DENND1B: variants seen among roughly 807,000 people sequenced by gnomAD.
DENND1B encodes the protein DENN domain-containing protein 1B.
In DENND1B, 59 loss-of-function variants were observed where a neutral mutation model predicts 90.1. The observed-to-expected ratio is 0.65, with a 90% CI of 0.53 to 0.81. The LOEUF (loss-of-function observed/expected upper bound fraction) is 0.81, where lower values mean the gene tolerates loss of function less well. DENND1B is among the 40% of genes least tolerant of loss of function. The pLI, the probability that DENND1B is intolerant of heterozygous loss-of-function variation, is 0.00. For synonymous variants in DENND1B, 337 were observed against 324.6 expected (o/e 1.04, Z -0.41); for missense variants, 862 against 912.6 (o/e 0.94, Z 0.71).
chr1:197,664,010 T>TACACACACACACAC (rs10638441), intron 5 of DENND1B, among the ~76,000 whole-genome samples: 1 of 149,464 alleles, frequency 6.7e-6, no homozygotes. Flanking sequence ...AACACACACA[T>TACACACACACACAC]ACACACACAC....
upstream of DENND1B, among the ~76,000 whole-genome samples, chr1:197,777,855 G>A (rs1219036773): frequency 6.6e-6 from 1 of 151,962 alleles, no homozygotes; most frequent in East Asian, 1.9e-4. Flanking sequence ...TGTTGTATGT[G>A]GTTTGTAAAG....
At chr1:197,767,638 T>C (rs1448829988) in intron 2 of DENND1B, among the ~76,000 whole-genome samples, 1 of 152,146 alleles carries the variant, frequency 6.6e-6, no homozygotes, top group Non-Finnish European at 1.5e-5. Context: ...AAAACTACTA[T>C]TAAATAGCCA....
chr1:197,693,210 T>G (rs981910930), intron 3 of DENND1B, among the ~76,000 whole-genome samples: 1 of 151,712 alleles, frequency 6.6e-6, no homozygotes, highest in Non-Finnish European at 1.5e-5. Context: ...TATAGCTGTA[T>G]GTTACCACTT....
In DENND1B at chr1:197,507,382, T is replaced by C. The variant is rs1558180797; in HGVS notation, c.*3078A>G. ...CTGAAAAAATAATCATGCTATGTTT[T>C]GGTGCTTTTCTAAGACACATTAAAG... is the stretch of plus-strand genomic sequence containing the variant. On this transcript the variant is annotated 3_prime_UTR_variant, in exon 23 of 23. Transcript: ENST00000620048. 2 of 151,352 alleles carry C rather than the reference T, an allele frequency of 1.3e-5. No homozygotes were observed. The highest frequency in any genetic ancestry group is 3.0e-5 in the Non-Finnish European group (2 of 67,564). 9.4% of individuals were successfully genotyped at this position (151,352 alleles called of 1,614,324 possible).
intron 10 of DENND1B, among the ~76,000 whole-genome samples, chr1:197,635,115 G>C (rs1277321258): frequency 1.3e-5 from 2 of 152,294 alleles, no homozygotes; most frequent in South Asian, 2.1e-4. Context: ...TATTTAAAGA[G>C]ACAAATGTCA....
intron 20 of DENND1B, among the ~76,000 whole-genome samples, chr1:197,517,736 G>A (rs1668498380): frequency 1.3e-5 from 2 of 151,868 alleles, no homozygotes; most frequent in South Asian, 4.1e-4. Context: ...TACTTGCCTT[G>A]CACAGAGGGA....
chr1:197,736,749 C>T (rs771910610), intron 2 of DENND1B, among the ~76,000 whole-genome samples: 2 of 152,216 alleles, frequency 1.3e-5, no homozygotes, highest in African/African-American at 4.8e-5. Flanking sequence ...GCCCATACTG[C>T]ATTCCTGTTG....
At chr1:197,752,980 C>G (rs1474296833) in intron 2 of DENND1B, among the ~76,000 whole-genome samples, 3 of 151,900 alleles carry the variant, frequency 2.0e-5, no homozygotes, top group Non-Finnish European at 2.9e-5. Context: ...TTTTTTATGG[C>G]TGTGTACTAT....
At chr1:197,534,622 C>T (rs934711930) in intron 20 of DENND1B, among the ~76,000 whole-genome samples, 1 of 152,158 alleles carries the variant, frequency 6.6e-6, no homozygotes, top group Non-Finnish European at 1.5e-5. Flanking sequence ...TTCTTAACTA[C>T]ATTTAACATT....
At chr1:197,669,253 C>T (rs757859539) in intron 5 of DENND1B, among the ~76,000 whole-genome samples, 100 of 152,182 alleles carry the variant, frequency 6.6e-4, no homozygotes, top group Non-Finnish European at 9.9e-4. Context: ...CTCACTGCCA[C>T]AGTAATTTTT....
chr1:197,608,330 A>G (rs1166986927), intron 12 of DENND1B, among the ~76,000 whole-genome samples: 1 of 150,688 alleles, frequency 6.6e-6, no homozygotes, highest in Non-Finnish European at 1.5e-5. Flanking sequence ...AGATGATTCT[A>G]AAAATCTGTC....
intron 10 of DENND1B, among the ~76,000 whole-genome samples, chr1:197,628,434 C>A (rs1037540503): frequency 6.6e-6 from 1 of 152,106 alleles, no homozygotes; most frequent in African/African-American, 2.4e-5. Context: ...GAAACGATTC[C>A]CTATTTAATA....
rs113519349 is a variant in DENND1B at position 197,538,874 on chromosome 1, G to T, written c.1515+1090C>A. Among the ~76,000 whole-genome samples, 4 of 152,050 alleles carry T rather than the reference G, an allele frequency of 2.6e-5. No individual in the cohort carries two copies. In the East Asian group the frequency reaches 7.8e-4, roughly 30 times the overall value. ...CACCCTCTTGGGTGGGATTAGTGCT[G>T]TTATAAAAGGGTGAGTTTGGCCCCC... is the stretch of plus-strand genomic sequence containing the variant. On this transcript the variant is annotated intron_variant, in intron 20 of 22. Transcript: ENST00000620048.
In DENND1B at chr1:197,775,439, C is replaced by T. The variant is rs1015904176; in HGVS notation, c.-284G>A. 3.4e-6 allele frequency: 1 copy of T among 293,908 alleles called. No homozygotes were observed. Among genetic ancestry groups the T allele is most frequent in the African/African-American group, 2.2e-5 (1 of 45,226 alleles). The allele number at this position is 293,908 out of a possible 1,614,324, so 18.2% of individuals were successfully genotyped here. A position where few individuals can be genotyped will look rare whatever the true frequency, so the allele number is the denominator to read the frequency against. ...CACCAAAGCTGAGGCCTCTCAGTTC[C>T]TGCGACCGGGGCCGCCCGCTGCGGC... is the stretch of plus-strand genomic sequence containing the variant. On this transcript the variant is annotated 5_prime_UTR_variant, in exon 1 of 23. Coordinates refer to ENST00000620048, the MANE Select transcript of DENND1B (RefSeq NM_001195215.2).
chr1:197,686,824 C>G (rs984936866), intron 3 of DENND1B, among the ~76,000 whole-genome samples: 2 of 151,868 alleles, frequency 1.3e-5, no homozygotes, highest in Non-Finnish European at 2.9e-5. Flanking sequence ...CTGTATTCAG[C>G]TCTTACCTTT....
chr1:197,564,953 A>G (rs1187576031), intron 15 of DENND1B, among the ~76,000 whole-genome samples: 2 of 152,022 alleles, frequency 1.3e-5, no homozygotes, highest in Non-Finnish European at 2.9e-5. Flanking sequence ...CTCCTCTTGT[A>G]CATTTCTTCT....
Position 197,617,774 on chromosome 1 carries a change from A to G in DENND1B, c.673-15T>C. 6.3e-7 allele frequency: 1 copy of G among 1,589,090 alleles called. No individual in the cohort carries two copies. Among genetic ancestry groups the G allele is most frequent in the Non-Finnish European group, 8.6e-7 (1 of 1,159,418 alleles). On this transcript the variant is annotated splice_polypyrimidine_tract_variant and intron_variant, in intron 10 of 22. Transcript: ENST00000620048. ...CAGGCAGTTAACTGAAATTTGTAAA[A>G]GGATAACAAAAATAAGTAGCTGCTG...
intron 5 of DENND1B, among the ~76,000 whole-genome samples, chr1:197,671,755 T>C (rs1404168093): frequency 2.6e-5 from 4 of 152,090 alleles, no homozygotes; most frequent in Admixed American, 1.3e-4. Flanking sequence ...TTCCATTTAA[T>C]AGGTGAAACT....
At chr1:197,551,045 T>G (rs1671194752) in intron 16 of DENND1B, among the ~76,000 whole-genome samples, 1 of 151,422 alleles carries the variant, frequency 6.6e-6, no homozygotes, top group Non-Finnish European at 1.5e-5. Flanking sequence ...GAATGACGTA[T>G]GTTTGGAACT....
Sources: allele counts gnomAD v4.1 joint callset (sites outside exome capture counted in the v4.1 genomes callset), GRCh38; gene constraint gnomAD v4.1.1; transcripts MANE v1.5; gene names NCBI Gene and HGNC (gene_info 2026-07-23, HGNC 2026-07-21).